The following NAV3 variants were observed in gnomAD, a reference collection of about 807,000 sequenced individuals.
The protein encoded by NAV3 is neuron navigator 3.
A neutral mutation model predicts 244.7 loss-of-function variants in NAV3; 87 were observed. The observed-to-expected ratio is 0.36, with a 90% CI of 0.30 to 0.42. NAV3 has a LOEUF of 0.42. NAV3 is among the 20% of genes least tolerant of loss of function. NAV3 has a pLI of 1.00. For synonymous variants in NAV3, 1,126 were observed against 1,042.2 expected, an observed-to-expected ratio of 1.08 and a Z score of -1.55; for missense variants, 2,663 against 2,893.3, an observed-to-expected ratio of 0.92 and a Z score of 1.83.
intron 12 of NAV3, among the ~76,000 whole-genome samples, chr12:78,115,468 A>T (rs1955327996): frequency 6.6e-6 from 1 of 152,170 alleles, no homozygotes; most frequent in South Asian, 2.1e-4. Flanking sequence ...CTGCTTATTC[A>T]ACACTATTTC....
intron 5 of NAV3, among the ~76,000 whole-genome samples, chr12:77,969,531 A>C (rs1156785863): frequency 1.3e-5 from 2 of 152,104 alleles, no homozygotes; most frequent in African/African-American, 4.8e-5. Flanking sequence ...CTCTGAAGGA[A>C]GCCTCAGTTC....
At chr12:77,685,575 T>G (rs1043166830) in intron 2 of NAV3, among the ~76,000 whole-genome samples, 11 of 151,962 alleles carry the variant, frequency 7.2e-5, no homozygotes, top group African/African-American at 1.9e-4. Flanking sequence ...ACTTTTATCT[T>G]TCATATCTAA....
intron 1 of NAV3, among the ~76,000 whole-genome samples, chr12:77,931,560 A>AG (rs1459896478): frequency 6.6e-6 from 1 of 152,092 alleles, no homozygotes; most frequent in Admixed American, 6.5e-5. Context: ...ATCAAGCATG[A>AG]GACAATAAAA....
At chr12:77,686,248 A>G (rs1229752606) in intron 2 of NAV3, among the ~76,000 whole-genome samples, 2 of 152,004 alleles carry the variant, frequency 1.3e-5, no homozygotes, top group Non-Finnish European at 2.9e-5. Context: ...CTAGGCCACC[A>G]CACCTGGCTA....
intron 37 of NAV3, among the ~76,000 whole-genome samples, chr12:78,200,119 G>C (rs147392829): frequency 9.5e-4 from 144 of 152,152 alleles, no homozygotes; most frequent in African/African-American, 3.2e-3. Context: ...ACTGGGACCA[G>C]AACACTCATG....
chr12:77,797,524 G>GTT (rs33912743), intron 2 of NAV3, among the ~76,000 whole-genome samples: 1 of 100,536 alleles, frequency 9.9e-6, no homozygotes, highest in African/African-American at 3.9e-5. Context: ...TCTTTAAAAA[G>GTT]TTTTTTTTTT....
intron 1 of NAV3, among the ~76,000 whole-genome samples, chr12:77,876,427 C>T (rs1881858164): frequency 6.6e-6 from 1 of 152,192 alleles, no homozygotes; most frequent in Non-Finnish European, 1.5e-5. Flanking sequence ...GATGAAGAGG[C>T]TGTTTCTTCA....
At chr12:77,766,735 G>GTTTTTTTTTTTTTTTTTTT (rs748531378) in intron 2 of NAV3, among the ~76,000 whole-genome samples, 8 of 60,512 alleles carry the variant, frequency 1.3e-4, no homozygotes, top group African/African-American at 3.8e-4. Flanking sequence ...AGGCAATTAA[G>GTTTTTTTTTTTTTTTTTTT]TTTTTTTTTT....
In NAV3 at chr12:78,188,322, T is replaced by G; in HGVS notation, c.5865T>G (p.Gly1955=). 6.2e-7 allele frequency: 1 copy of G among 1,610,644 alleles called. No individual in the cohort carries two copies. Among genetic ancestry groups the G allele is most frequent in the Non-Finnish European group, 8.5e-7 (1 of 1,177,524 alleles). The change falls in exon 32 of 40, where the codon GGT becomes GGG. Residue 1955 remains glycine, a synonymous_variant. Transcript: ENST00000397909. ...AAACCAAGTGGGATGTCTTAGATGG[T>G]GTAATAAGACGTCTCTTTAAGGTAT... is the stretch of plus-strand genomic sequence containing the variant. ...SGKTKWDVLD[G]VIRRLFKEYV...
intron 2 of NAV3, among the ~76,000 whole-genome samples, chr12:77,592,453 C>T (rs546147394): frequency 6.6e-6 from 1 of 152,284 alleles, no homozygotes; most frequent in African/African-American, 2.4e-5. Flanking sequence ...AAGCGAGGGG[C>T]TCTTTTTGTG....
At chr12:77,901,758 T>C (rs1249847589) in intron 1 of NAV3, among the ~76,000 whole-genome samples, 1 of 152,074 alleles carries the variant, frequency 6.6e-6, no homozygotes, top group Non-Finnish European at 1.5e-5. Flanking sequence ...TTCTTCTTCG[T>C]ATGGCCCATG....
At chr12:77,707,100 T>G (rs931884833) in intron 2 of NAV3, among the ~76,000 whole-genome samples, 1 of 151,552 alleles carries the variant, frequency 6.6e-6, no homozygotes, top group African/African-American at 2.4e-5. Flanking sequence ...CTTTAAGTTC[T>G]AGGGTACTGC....
At chr12:77,915,264 A>G (rs1887011003) in intron 1 of NAV3, among the ~76,000 whole-genome samples, 1 of 152,082 alleles carries the variant, frequency 6.6e-6, no homozygotes, top group South Asian at 2.1e-4. Context: ...CAAATTTCAC[A>G]TCACATGCTA....
At chr12:77,998,236 T>C (rs1490582895) in intron 6 of NAV3, 101 bp from the exon 7 acceptor site, 1 of 825,896 alleles carries the variant, frequency 1.2e-6, no homozygotes, top group Non-Finnish European at 1.8e-6. Flanking sequence ...TAAATAGATT[T>C]TAGAACATCA....
intron 5 of NAV3, among the ~76,000 whole-genome samples, chr12:77,989,450 A>AAACC (rs1409451989): frequency 6.6e-6 from 1 of 152,194 alleles, no homozygotes; most frequent in African/African-American, 2.4e-5. Context: ...GAGCTAGCTA[A>AAACC]AACCAACCAA....
At chr12:77,621,900 TATC>T (rs908010049) in intron 2 of NAV3, among the ~76,000 whole-genome samples, 4 of 152,210 alleles carry the variant, frequency 2.6e-5, no homozygotes, top group Admixed American at 2.6e-4. Flanking sequence ...CCCGATATTT[TATC>T]ATTTGATATC....
intron 1 of NAV3, among the ~76,000 whole-genome samples, chr12:77,890,259 C>CTTTTTA (rs554979825): frequency 1.3e-5 from 2 of 152,050 alleles, no homozygotes; most frequent in African/African-American, 2.4e-5. Flanking sequence ...CTATGTCTGG[C>CTTTTTA]TTTTTATTTT....
At chr12:77,796,156 GA>G (rs1172186519) in intron 2 of NAV3, among the ~76,000 whole-genome samples, 3 of 151,952 alleles carry the variant, frequency 2.0e-5, no homozygotes, top group African/African-American at 7.3e-5. Context: ...AAACCTTCTG[GA>G]AAAAAATTGC....
At chr12:78,002,415 G>T (rs1176291346) in intron 7 of NAV3, among the ~76,000 whole-genome samples, 9 of 152,162 alleles carry the variant, frequency 5.9e-5, no homozygotes, top group Non-Finnish European at 1.3e-4. Context: ...GTGTCTTCTG[G>T]TGTGGAAGCT....
Sources: gnomAD v4.1 joint callset for allele counts (sites outside exome capture counted in the v4.1 genomes callset) on GRCh38, gnomAD v4.1.1 for gene constraint, MANE v1.5 for transcripts, NCBI Gene and HGNC (gene_info 2026-07-23, HGNC 2026-07-21) for gene names.